RALGAPA2: variants seen among roughly 807,000 people sequenced by gnomAD.
RALGAPA2 encodes the protein ral GTPase-activating protein subunit alpha-2.
In RALGAPA2, 139 loss-of-function variants were observed where a neutral mutation model predicts 230.4. That is an observed-to-expected ratio of 0.60 (90% CI 0.53 to 0.69). The LOEUF (loss-of-function observed/expected upper bound fraction) is 0.69. RALGAPA2 is among the 30% of genes least tolerant of loss of function. The probability of loss-of-function intolerance (pLI) is 0.00; values close to 1 mark genes in which losing one functional copy is unlikely to be tolerated. For synonymous variants in RALGAPA2, 847 were observed against 837.8 expected, an observed-to-expected ratio of 1.01 and a Z score of -0.19; for missense variants, 2,163 against 2,276.0, an observed-to-expected ratio of 0.95 and a Z score of 1.01.
At chr20:20,641,358 C>A (rs1336114398) in intron 5 of RALGAPA2, among the ~76,000 whole-genome samples, 1 of 152,204 alleles carries the variant, frequency 6.6e-6, no homozygotes, top group Non-Finnish European at 1.5e-5. Flanking sequence ...CAAAGATAAT[C>A]TCCCTCCAAA....
At chr20:20,550,809 C>A (rs2063903144) in intron 23 of RALGAPA2, among the ~76,000 whole-genome samples, 1 of 152,050 alleles carries the variant, frequency 6.6e-6, no homozygotes. Flanking sequence ...ATGAAAAGAG[C>A]CATAAAGAAG....
At chr20:20,593,988 A>G (rs2065373470) in intron 16 of RALGAPA2, among the ~76,000 whole-genome samples, 1 of 152,186 alleles carries the variant, frequency 6.6e-6, no homozygotes, top group Admixed American at 6.5e-5. Flanking sequence ...CAGATGGAGA[A>G]AGTCCAAGCC....
At chr20:20,490,589 A>G (rs535899935) in intron 36 of RALGAPA2, among the ~76,000 whole-genome samples, 5 of 152,200 alleles carry the variant, frequency 3.3e-5, no homozygotes, top group Non-Finnish European at 7.3e-5. Context: ...ATAAATATTT[A>G]AGAAAACTGC....
chr20:20,395,933 T>C (rs1375339729), intron 39 of RALGAPA2, among the ~76,000 whole-genome samples: 1 of 152,228 alleles, frequency 6.6e-6, no homozygotes, highest in Non-Finnish European at 1.5e-5. Context: ...GTGAATGGCA[T>C]TGCCGTGATC....
chr20:20,695,963 C>T (rs1390131254), intron 1 of RALGAPA2, among the ~76,000 whole-genome samples: 3 of 152,008 alleles, frequency 2.0e-5, no homozygotes, highest in African/African-American at 7.3e-5. Context: ...CAGCCACTGA[C>T]AGATCTCCAT....
rs898172671 is a variant in RALGAPA2, at chr20:20,520,480, A to G, written c.4084+437T>C. On this transcript the variant is annotated intron_variant, in intron 31 of 39. Coordinates refer to ENST00000202677, the MANE Select transcript of RALGAPA2 (RefSeq NM_020343.4). ...AGCAAGTAAATTTCCATCTCTTTTTATGATGCTCTCCTAACTTGGAACAAT... is the reference window on the plus strand; with the variant it reads ...AGCAAGTAAATTTCCATCTCTTTTTGTGATGCTCTCCTAACTTGGAACAAT... 1.6e-4 allele frequency among the ~76,000 whole-genome samples: 25 copies of G among 152,116 alleles called. 1 individual carries two copies. The highest frequency in any genetic ancestry group is 1.2e-3 in the Admixed American group (19 of 15,268).
At chr20:20,514,362 CCT>C (rs2062808917) in intron 31 of RALGAPA2, among the ~76,000 whole-genome samples, 1 of 152,214 alleles carries the variant, frequency 6.6e-6, no homozygotes, top group East Asian at 1.9e-4. Context: ...GCAGGGAGCC[CCT>C]CTCTGCTTCA....
chr20:20,575,790 A>G (rs1376017765), intron 20 of RALGAPA2, among the ~76,000 whole-genome samples: 1 of 152,126 alleles, frequency 6.6e-6, no homozygotes, highest in Non-Finnish European at 1.5e-5. Context: ...CAATTAATTT[A>G]CCACAGGCCA....
chr20:20,607,306 TTC>T (rs1277536644), intron 14 of RALGAPA2, among the ~76,000 whole-genome samples: 1 of 152,206 alleles, frequency 6.6e-6, no homozygotes, highest in Admixed American at 6.5e-5. Context: ...AATACGCCTG[TTC>T]TCTGTTTCAA....
intron 9 of RALGAPA2, among the ~76,000 whole-genome samples, chr20:20,634,557 A>G (rs1204158148): frequency 3.3e-5 from 5 of 152,142 alleles, no homozygotes; most frequent in Non-Finnish European, 7.4e-5. Flanking sequence ...AAGGTTCCTA[A>G]TAACCTTGAA....
intron 37 of RALGAPA2, among the ~76,000 whole-genome samples, chr20:20,436,891 G>A (rs932858869): frequency 2.6e-5 from 4 of 152,140 alleles, no homozygotes; most frequent in Admixed American, 6.5e-5. Flanking sequence ...TGCCACGGGC[G>A]GGCGGCCAGG....
intron 37 of RALGAPA2, among the ~76,000 whole-genome samples, chr20:20,443,747 A>G (rs550193021): frequency 2.6e-5 from 4 of 152,368 alleles, no homozygotes; most frequent in Non-Finnish European, 4.4e-5. Context: ...TGGCTAAATG[A>G]TGAACACAGT....
At chr20:20,494,905 A>G (rs898874136) in intron 36 of RALGAPA2, among the ~76,000 whole-genome samples, 49 of 152,244 alleles carry the variant, frequency 3.2e-4, no homozygotes, top group South Asian at 4.1e-4. Context: ...CTAGTAATAC[A>G]ATAATACAAT....
intron 36 of RALGAPA2, 150 bp downstream of exon 36, chr20:20,494,967 C>T: frequency 1.6e-6 from 1 of 643,146 alleles, no homozygotes; most frequent in Non-Finnish European, 2.4e-6. Context: ...TATTTAATTC[C>T]TATAAAGCAT....
chr20:20,486,768 C>T (rs2061923201), intron 36 of RALGAPA2, among the ~76,000 whole-genome samples: 1 of 152,084 alleles, frequency 6.6e-6, no homozygotes, highest in Non-Finnish European at 1.5e-5. Context: ...GTTTTTCAAC[C>T]TTTTCTCCCC....
chr20:20,549,160 G>T (rs1324353492), intron 23 of RALGAPA2, among the ~76,000 whole-genome samples: 1 of 152,200 alleles, frequency 6.6e-6, no homozygotes, highest in African/African-American at 2.4e-5. Flanking sequence ...CTAAATTTAT[G>T]GGAATTATGA....
At chr20:20,472,316 CT>C (rs1465201078) in intron 37 of RALGAPA2, 1 of 152,226 alleles carries the variant, frequency 6.6e-6, no homozygotes, top group Admixed American at 6.5e-5. Flanking sequence ...ATCTTTCCCT[CT>C]ACCCTCAACC....
chr20:20,676,656 G>A (rs535996061), intron 2 of RALGAPA2, among the ~76,000 whole-genome samples: 3 of 152,318 alleles, frequency 2.0e-5, no homozygotes, highest in Admixed American at 6.5e-5. Context: ...AAAAGTCATA[G>A]AGCAGATAAC....
At chr20:20,683,296 T>C (rs530930557) in intron 1 of RALGAPA2, among the ~76,000 whole-genome samples, 16 of 152,282 alleles carry the variant, frequency 1.1e-4, no homozygotes, top group African/African-American at 3.6e-4. Context: ...TCTTCTTCCA[T>C]TCCCCATAGC....
Sources: gnomAD v4.1 joint callset for allele counts (sites outside exome capture counted in the v4.1 genomes callset) on GRCh38, gnomAD v4.1.1 for gene constraint, MANE v1.5 for transcripts, NCBI Gene and HGNC (gene_info 2026-07-23, HGNC 2026-07-21) for gene names.